Variants in ATG7 observed in about 807,000 individuals in gnomAD.
ATG7 encodes ubiquitin-like modifier-activating enzyme ATG7.
Under a neutral mutation model 82.4 loss-of-function variants are expected in ATG7, and 70 were observed. The ratio of observed to expected loss-of-function variants is 0.85; its 90% CI spans 0.70 to 1.04. ATG7 has a LOEUF of 1.04. Among genes scored for constraint, ATG7 ranks in the 50% least tolerant of loss-of-function variants. ATG7 has a pLI of 0.00. For missense variants in ATG7, 792 were observed against 864.3 expected, an observed-to-expected ratio of 0.92 and a Z score of 1.05; for synonymous variants, 287 against 313.0, an observed-to-expected ratio of 0.92 and a Z score of 0.88.
chr3:11,410,810 T>C (rs956769440), intron 19 of ATG7, among the ~76,000 whole-genome samples: 1 of 152,228 alleles, frequency 6.6e-6, no homozygotes, highest in Non-Finnish European at 1.5e-5. Flanking sequence ...CATTCATCCA[T>C]GGATGGACAC....
At position 11,462,841 on chromosome 3, in the gene ATG7, T is replaced by TTTTATTTA. The variant is rs200412655; in HGVS notation, c.2079+35967_2079+35974dup. On this transcript the variant is annotated intron_variant, in intron 20 of 20. Coordinates refer to ENST00000693202, the MANE Select transcript of ATG7 (RefSeq NM_001349232.2). ...AAGGGCCCTGGCTCCTCTCAGATAT[T>TTTTATTTA]TTTATTTATTTATTTATTTATTTAT... Among the ~76,000 whole-genome samples, 77 of 135,446 alleles carry TTTTATTTA rather than the reference T, an allele frequency of 5.7e-4. 1 individual carries two copies. Among genetic ancestry groups the TTTTATTTA allele is most frequent in the African/African-American group, 1.3e-3 (46 of 36,366 alleles). The allele number at this position is 135,446 out of a possible 152,430, so 88.9% of individuals were successfully genotyped here.
chr3:11,483,290 G>A (rs1275443846), intron 20 of ATG7, among the ~76,000 whole-genome samples: 1 of 152,082 alleles, frequency 6.6e-6, no homozygotes, highest in East Asian at 1.9e-4. Context: ...ACAGACACCA[G>A]GGCAGCTTCA....
rs12493084 is a variant in ATG7, at chr3:11,503,400, A to G, written c.2080-51411A>G. On this transcript the variant is annotated intron_variant, in intron 20 of 20. Transcript: ENST00000693202. ...CTCAGTAAGAACATATAATATGTAC[A>G]TATATCTTATCCCTCAGTGAAAGAG... 6.8e-3 allele frequency among the ~76,000 whole-genome samples: 1,031 copies of G among 152,328 alleles called. 11 individuals are homozygous for G. Among genetic ancestry groups the G allele is most frequent in the African/African-American group, 0.024 (981 of 41,568 alleles).
intron 17 of ATG7, among the ~76,000 whole-genome samples, chr3:11,363,761 T>G (rs2076423261): frequency 6.6e-6 from 1 of 152,188 alleles, no homozygotes; most frequent in Non-Finnish European, 1.5e-5. Context: ...GAAAATCGAA[T>G]TTTTGAAAGA....
rs76835738 is a variant in ATG7, at chr3:11,546,626, T to A, written c.2080-8185T>A. Among the ~76,000 whole-genome samples, 816 of 152,254 alleles carry A rather than the reference T, an allele frequency of 5.4e-3. 5 individuals are homozygous for A. Among genetic ancestry groups the A allele is most frequent in the Non-Finnish European group, 8.0e-3 (545 of 68,008 alleles). On this transcript the variant is annotated intron_variant, in intron 20 of 20. Coordinates refer to ENST00000693202, the MANE Select transcript of ATG7 (RefSeq NM_001349232.2). ...TGTGGTCCAGAAATGGGACCCAAGT[T>A]TGAAATTGGATGATGAGGGCTCCTT...
rs1471986833 is a variant in ATG7 at position 11,552,617 on chromosome 3, G to A, written c.2080-2194G>A. 2.0e-5 allele frequency among the ~76,000 whole-genome samples: 3 copies of A among 152,176 alleles called. No individual in the cohort carries two copies. The East Asian group carries it at 5.8e-4, about 29-fold the overall frequency. ...ATGGGACGAAGCCAGTGGAGAGCCC[G>A]TCCCTGCCCCAGAGATTCGCTCTGG... On this transcript the variant is annotated intron_variant, in intron 20 of 20. Coordinates refer to ENST00000693202, the MANE Select transcript of ATG7 (RefSeq NM_001349232.2).
In ATG7 at chr3:11,556,035, C is replaced by T. The variant is rs2072370880; in HGVS notation, c.*1192C>T. The T allele has an allele frequency of 6.5e-6, 1 of 152,750 alleles. No homozygotes were observed. The highest frequency in any genetic ancestry group is 1.5e-5 in the Non-Finnish European group (1 of 68,052). 9.5% of individuals were successfully genotyped at this position (152,750 alleles called of 1,614,324 possible). A position where few individuals can be genotyped will look rare whatever the true frequency, so the allele number is the denominator to read the frequency against. ...GGTGCAGGGCCCGAGTCCGCCCACC[C>T]AGCCTGGCGCTGAAACTGCACACGT... is the stretch of plus-strand genomic sequence containing the variant. On this transcript the variant is annotated 3_prime_UTR_variant, in exon 21 of 21. Transcript: ENST00000693202.
rs2088639852 is a variant in ATG7, at chr3:11,479,219, CACAG to C, written c.2079+52295_2079+52298del. Among the ~76,000 whole-genome samples, 2 of 152,084 alleles carry C rather than the reference CACAG, an allele frequency of 1.3e-5. 1 individual carries two copies. The highest frequency in any genetic ancestry group is 2.9e-5 in the Non-Finnish European group (2 of 68,014). ...CACATAGTAAATAAAACAGTGATTC[CACAG>C]AGAAGACTGGCACCTTTCAAAAAGT... On this transcript the variant is annotated intron_variant, in intron 20 of 20. Coordinates refer to ENST00000693202, the MANE Select transcript of ATG7 (RefSeq NM_001349232.2).
chr3:11,275,981 T>C (rs575356594), intron 1 of ATG7, among the ~76,000 whole-genome samples: 1 of 152,258 alleles, frequency 6.6e-6, no homozygotes, highest in African/African-American at 2.4e-5. Flanking sequence ...AGACTGCACT[T>C]TTCTTGTGGT....
chr3:11,433,311 A>G (rs970323259), intron 20 of ATG7, among the ~76,000 whole-genome samples: 2 of 151,136 alleles, frequency 1.3e-5, no homozygotes, highest in Non-Finnish European at 2.9e-5. Flanking sequence ...AAAAAAAAAA[A>G]AAAAGCTGCG....
intron 11 of ATG7, among the ~76,000 whole-genome samples, chr3:11,339,945 G>A (rs1245187504): frequency 6.6e-6 from 1 of 152,186 alleles, no homozygotes; most frequent in Non-Finnish European, 1.5e-5. Context: ...TCCAAAGTCT[G>A]TTTAGCTACA....
intron 9 of ATG7, among the ~76,000 whole-genome samples, chr3:11,323,953 C>A (rs1047578575): frequency 6.6e-6 from 1 of 152,150 alleles, no homozygotes; most frequent in African/African-American, 2.4e-5. Flanking sequence ...GGAAAATGTT[C>A]TTGCTGAAGA....
intron 20 of ATG7, among the ~76,000 whole-genome samples, chr3:11,543,890 G>A (rs951757266): frequency 4.6e-5 from 7 of 152,204 alleles, no homozygotes; most frequent in Non-Finnish European, 1.5e-5. Context: ...GTGACAGGCT[G>A]GGGATGGAGG....
At chr3:11,543,204 T>A (rs1281183250) in intron 20 of ATG7, among the ~76,000 whole-genome samples, 1 of 152,216 alleles carries the variant, frequency 6.6e-6, no homozygotes, top group African/African-American at 2.4e-5. Flanking sequence ...ACGCTTTACA[T>A]CTTACCAGCC....
rs575764017 is a variant in ATG7, at chr3:11,488,508, G to C, written c.2079+61582G>C. ...TGGGGCCCGCGGGTGTCAGCGCCGC[G>C]ACTGTCCCGGCTCCGCACTGCCCCG... On this transcript the variant is annotated intron_variant, in intron 20 of 20. Transcript: ENST00000693202. 2.2e-3 allele frequency: 2,702 copies of C among 1,230,674 alleles called. 52 individuals are homozygous for C. The African/African-American group carries it at 0.039, about 18-fold the overall frequency. 76.2% of individuals were successfully genotyped at this position (1,230,674 alleles called of 1,614,324 possible).
intron 14 of ATG7, among the ~76,000 whole-genome samples, chr3:11,351,074 C>A (rs1490117981): frequency 1.3e-5 from 2 of 151,994 alleles, no homozygotes; most frequent in African/African-American, 2.4e-5. Context: ...AAATCCTAGT[C>A]ATTGTCAGTG....
rs574273408 is a variant in ATG7 at position 11,323,544 on chromosome 3, C to G, written c.679-7796C>G. Among the ~76,000 whole-genome samples, 28 of 152,332 alleles carry G rather than the reference C, an allele frequency of 1.8e-4. No homozygotes were observed. In the East Asian group the frequency reaches 5.4e-3, roughly 29 times the overall value. Reference sequence around the variant, plus strand: ...TCTTTCAGGCCAGTTCTTGTGATTACATTAAAAATAGCTCATAACATTGTC... The same window carrying G: ...TCTTTCAGGCCAGTTCTTGTGATTAGATTAAAAATAGCTCATAACATTGTC... On this transcript the variant is annotated intron_variant, in intron 9 of 20. Coordinates refer to ENST00000693202, the MANE Select transcript of ATG7 (RefSeq NM_001349232.2).
At chr3:11,391,612 T>G (rs538184215) in intron 19 of ATG7, among the ~76,000 whole-genome samples, 1 of 152,290 alleles carries the variant, frequency 6.6e-6, no homozygotes, top group Non-Finnish European at 1.5e-5. Context: ...CTTGGAAGCC[T>G]TTTTACAGCC....
intron 20 of ATG7, among the ~76,000 whole-genome samples, chr3:11,543,294 G>A (rs2070990201): frequency 1.3e-5 from 2 of 152,228 alleles, no homozygotes; most frequent in Admixed American, 6.5e-5. Context: ...ATGGGGCAGT[G>A]CACGTGCTCT....
Sources: allele counts gnomAD v4.1 joint callset (sites outside exome capture counted in the v4.1 genomes callset), GRCh38; gene constraint gnomAD v4.1.1; transcripts MANE v1.5; gene names NCBI Gene and HGNC (gene_info 2026-07-23, HGNC 2026-07-21).